NEK10: variants seen among roughly 807,000 people sequenced by gnomAD.
NEK10 encodes NIMA related kinase 10.
A neutral mutation model predicts 159.8 loss-of-function variants in NEK10; 122 were observed. That is an observed-to-expected ratio of 0.76 (90% CI 0.66 to 0.89). NEK10 has a LOEUF of 0.89. Among genes scored for constraint, NEK10 ranks in the 40% least tolerant of loss-of-function variants. The pLI is 0.00. For synonymous variants in NEK10, 466 were observed against 457.1 expected, an observed-to-expected ratio of 1.02 and a Z score of -0.25; for missense variants, 1,342 against 1,323.1, an observed-to-expected ratio of 1.01 and a Z score of -0.22.
chr3:27,278,995 T>TGTTCAG, intron 22 of NEK10: 1 of 832,134 alleles, frequency 1.2e-6, no homozygotes, highest in Non-Finnish European at 1.4e-6. Flanking sequence ...TCATGGCACA[T>TGTTCAG]GCCATCAAAA....
Position 27,174,642 on chromosome 3 carries a change from A to G in NEK10, c.2689+8T>C. 1.2e-6 allele frequency: 2 copies of G among 1,607,970 alleles called. No homozygotes were observed. Among genetic ancestry groups the G allele is most frequent in the Non-Finnish European group, 1.7e-6 (2 of 1,177,200 alleles). ...GTACCTACGTTGACACACTGCCACT[A>G]GCAGTACCTTTCTCAGCATTTTCCA... On this transcript the variant is annotated splice_region_variant and intron_variant, in intron 27 of 35. Transcript: ENST00000691995.
At chr3:27,306,086 A>T (rs480238) in intron 11 of NEK10, among the ~76,000 whole-genome samples, 60,672 of 151,874 alleles carry the variant, frequency 0.4, 15,786 homozygotes, top group African/African-American at 0.75. Flanking sequence ...CCCGATCTTG[A>T]CTCATGGCAC....
intron 22 of NEK10, among the ~76,000 whole-genome samples, chr3:27,262,993 G>C (rs1020177847): frequency 6.6e-6 from 1 of 152,152 alleles, no homozygotes; most frequent in South Asian, 2.1e-4. Context: ...GTACAGATGG[G>C]GTTTTGGTGT....
chr3:27,351,333 C>T (rs987170593), intron 3 of NEK10, among the ~76,000 whole-genome samples: 4 of 151,916 alleles, frequency 2.6e-5, no homozygotes, highest in African/African-American at 9.7e-5. Flanking sequence ...TAAGAAAGAA[C>T]GGACTTAATT....
intron 23 of NEK10, among the ~76,000 whole-genome samples, chr3:27,225,201 C>A (rs1952503198): frequency 6.6e-6 from 1 of 152,178 alleles, no homozygotes; most frequent in African/African-American, 2.4e-5. Flanking sequence ...TTAGGCCAGT[C>A]TCTCTTTCCA....
chr3:27,118,344 C>T (rs1940791940), intron 33 of NEK10, among the ~76,000 whole-genome samples: 1 of 152,238 alleles, frequency 6.6e-6, no homozygotes, highest in Non-Finnish European at 1.5e-5. Flanking sequence ...CACCTTAACA[C>T]ACTCCGATGC....
chr3:27,352,854 G>A lies in NEK10; in HGVS notation c.29C>T (p.Thr10Ile), dbSNP rs372237372. 1.2e-6 allele frequency: 2 copies of A among 1,610,006 alleles called. No homozygotes were observed. The highest frequency in any genetic ancestry group is 2.7e-5 in the African/African-American group (2 of 74,810). Residue 10 changes from threonine to isoleucine, a missense_variant, in exon 2 of 36, where the codon ACC becomes ATC. Coordinates refer to ENST00000691995, the MANE Select transcript of NEK10 (RefSeq NM_001394966.1). MPDQDKKVK[T>I]TEKSTDKQQE... ...CTGTTTATCAGTTGATTTTTCTGTGGTCTTCACCTTTTTATCTTGATCAGG... is the reference window on the plus strand; with the variant it reads ...CTGTTTATCAGTTGATTTTTCTGTGATCTTCACCTTTTTATCTTGATCAGG...
chr3:27,322,204 C>T lies in NEK10; in HGVS notation c.420G>A (p.Arg140=). 1 of 1,565,484 alleles carries T rather than the reference C, an allele frequency of 6.4e-7. No individual in the cohort carries two copies. ...GATAACATGGATCCCTCATTAGTAGCCTCAGACAGATTAACACTCTCAGAA... is the reference window on the plus strand; with the variant it reads ...GATAACATGGATCCCTCATTAGTAGTCTCAGACAGATTAACACTCTCAGAA... ...IHFLRVLICL[R]LLMRDPCYQE... is the part of the protein sequence containing the mutation. Residue 140 remains arginine (R), a synonymous_variant, in exon 6 of 36, where the codon AGG becomes AGA. Transcript: ENST00000691995.
intron 23 of NEK10, among the ~76,000 whole-genome samples, chr3:27,250,374 G>C (rs1165158700): frequency 1.3e-5 from 2 of 151,974 alleles, no homozygotes; most frequent in Non-Finnish European, 2.9e-5. Context: ...TTTTAGTAGA[G>C]ACGGGGTTTC....
In NEK10 at chr3:27,108,761, C is replaced by G. The variant is rs1205235960; in HGVS notation, c.*2511G>C. Among the ~76,000 whole-genome samples the G allele has an allele frequency of 6.6e-6, 1 of 152,118 alleles. No individual in the cohort carries two copies. Among genetic ancestry groups the G allele is most frequent in the East Asian group, 1.9e-4 (1 of 5,190 alleles). On this transcript the variant is annotated 3_prime_UTR_variant, in exon 36 of 36. Transcript: ENST00000691995. ...GGAGAATCAAAACAAAATGATCATT[C>G]TTGGTCATGAGGGGAGGTGCTCCAT... is the stretch of plus-strand genomic sequence containing the variant.
chr3:27,232,847 C>T (rs1429231165), intron 23 of NEK10, among the ~76,000 whole-genome samples: 1 of 152,026 alleles, frequency 6.6e-6, no homozygotes, highest in African/African-American at 2.4e-5. Flanking sequence ...TCTGAGATAA[C>T]TGGCAAGCCA....
chr3:27,175,900 T>C (rs1947460564), intron 26 of NEK10, among the ~76,000 whole-genome samples: 1 of 152,226 alleles, frequency 6.6e-6, no homozygotes, highest in South Asian at 2.1e-4. Flanking sequence ...ACCTAGCACT[T>C]CTTGACTAAA....
intron 1 of NEK10, among the ~76,000 whole-genome samples, chr3:27,357,847 T>C (rs1161292333): frequency 6.6e-6 from 1 of 151,984 alleles, no homozygotes; most frequent in Non-Finnish European, 1.5e-5. Flanking sequence ...AATTGACAAC[T>C]CCATGACAAC....
intron 22 of NEK10, 63 bp downstream of exon 22, chr3:27,284,539 C>T (rs565735140): frequency 2.0e-4 from 187 of 932,846 alleles, no homozygotes; most frequent in Middle Eastern, 1.2e-3. Context: ...CTACTGGACA[C>T]TACTACTCTA....
At chr3:27,133,888 T>C (rs564264333) in intron 31 of NEK10, among the ~76,000 whole-genome samples, 65 of 152,298 alleles carry the variant, frequency 4.3e-4, no homozygotes, top group African/African-American at 1.6e-3. Context: ...CTGAAATGTT[T>C]TGTAGGTTGG....
chr3:27,316,479 G>A (rs1380680729), intron 6 of NEK10, among the ~76,000 whole-genome samples: 9 of 152,096 alleles, frequency 5.9e-5, no homozygotes, highest in African/African-American at 2.2e-4. Flanking sequence ...ACATACTGCA[G>A]TGCCGCAGGC....
At chr3:27,212,155 T>C (rs1951063612) in intron 23 of NEK10, among the ~76,000 whole-genome samples, 1 of 152,256 alleles carries the variant, frequency 6.6e-6, no homozygotes. Flanking sequence ...AAATTAAAAT[T>C]TGTTCTATCA....
intron 5 of NEK10, among the ~76,000 whole-genome samples, chr3:27,322,934 G>A (rs2045751892): frequency 6.6e-6 from 1 of 152,108 alleles, no homozygotes; most frequent in African/African-American, 2.4e-5. Flanking sequence ...TTTTGGTTTT[G>A]TTTTTTAGAA....
intron 20 of NEK10, among the ~76,000 whole-genome samples, chr3:27,285,486 C>T (rs1349105074): frequency 6.7e-6 from 1 of 149,112 alleles, no homozygotes; most frequent in African/African-American, 2.5e-5. Flanking sequence ...AAATAACACA[C>T]ATGATAGAAA....
Sources: allele counts gnomAD v4.1 joint callset (sites outside exome capture counted in the v4.1 genomes callset), GRCh38; gene constraint gnomAD v4.1.1; transcripts MANE v1.5; gene names NCBI Gene and HGNC (gene_info 2026-07-23, HGNC 2026-07-21).